PHF12: variants seen among roughly 807,000 people sequenced by gnomAD.
PHF12 encodes PHD finger protein 12, also known as PHD factor 1.
A neutral mutation model predicts 99.8 loss-of-function variants in PHF12; 6 were observed. The observed-to-expected ratio is 0.06, with a 90% CI of 0.03 to 0.12. The LOEUF is 0.12. PHF12 is among the 10% of genes least tolerant of loss of function. The probability of loss-of-function intolerance (pLI) is 1.00; values close to 1 mark genes in which losing one functional copy is unlikely to be tolerated. For missense variants in PHF12, 954 were observed against 1,300.1 expected, an observed-to-expected ratio of 0.73 and a Z score of 4.09; for synonymous variants, 480 against 514.9, an observed-to-expected ratio of 0.93 and a Z score of 0.92.
At chr17:28,947,772 A>C (rs1211512320) in intron 2 of PHF12, among the ~76,000 whole-genome samples, 1 of 152,198 alleles carries the variant, frequency 6.6e-6, no homozygotes, top group Non-Finnish European at 1.5e-5. Flanking sequence ...AACTCAGATA[A>C]GTCAATGGTA....
rs1281689160 is a variant in PHF12, at chr17:28,906,186, A to G, written c.3012T>C (p.Pro1004=). ...AGTGGCGGGGTAGCCGCCAGTCCTA[A>G]GGAACAGAGTTGGAGCGCAGCACAG... ...QGPVLRSNSV[P] is the part of the protein sequence containing the mutation. The change falls in exon 15 of 15, where the codon CCT becomes CCC. Residue 1004 remains proline (P), a synonymous_variant. Coordinates refer to ENST00000332830, the MANE Select transcript of PHF12 (RefSeq NM_001033561.2). The surrounding 1 kb of genome is among the most constrained non-coding windows in gnomAD (Gnocchi z 4.2). The G allele has an allele frequency of 1.3e-6, 2 of 1,580,022 alleles. No homozygotes were observed. The highest frequency in any genetic ancestry group is 1.7e-6 in the Non-Finnish European group (2 of 1,157,596).
chr17:28,937,270 C>A (rs1354729671), intron 2 of PHF12, among the ~76,000 whole-genome samples: 7 of 152,192 alleles, frequency 4.6e-5, no homozygotes, highest in Non-Finnish European at 1.0e-4. Context: ...ATCAGCTTTT[C>A]TCTTCAAGTA....
Position 28,924,042 on chromosome 17 carries a change from T to C in PHF12, c.582A>G (p.Pro194=), listed in dbSNP as rs751507082. Residue 194 remains proline (P), a synonymous_variant, in exon 4 of 15, where the codon CCA becomes CCG. Transcript: ENST00000332830. ...DEDIIDVDEE[P]VAAEPDYVQP... is the part of the protein sequence containing the mutation. ...GCACATAGTCTGGCTCCGCTGCTAC[T>C]GGTTCCTCATCCACGTCAATGATGT... 2 of 1,614,214 alleles carry C rather than the reference T, an allele frequency of 1.2e-6. No individual in the cohort carries two copies. Among genetic ancestry groups the C allele is most frequent in the South Asian group, 1.1e-5 (1 of 91,090 alleles).
At chr17:28,909,751 T>C (rs180815079) in intron 11 of PHF12, 110 of 323,872 alleles carry the variant, frequency 3.4e-4, no homozygotes, top group African/African-American at 2.2e-3. Flanking sequence ...CCACCATGCC[T>C]GGGTAAGTTT....
rs2152667085 is a variant in PHF12 at position 28,924,313 on chromosome 17, G to C, written c.322-11C>G. ...TTTCTGCTCTCGTTTCTGTGCAAAT[G>C]AACAGGTGGGCCCATCATGAAAAGT... is the stretch of plus-strand genomic sequence containing the variant. On this transcript the variant is annotated splice_polypyrimidine_tract_variant and intron_variant, in intron 3 of 14. Coordinates refer to ENST00000332830, the MANE Select transcript of PHF12 (RefSeq NM_001033561.2). 4 of 1,614,132 alleles carry C rather than the reference G, an allele frequency of 2.5e-6. No individual in the cohort carries two copies. Among genetic ancestry groups the C allele is most frequent in the African/African-American group, 1.3e-5 (1 of 75,042 alleles).
chr17:28,951,132 G>T lies in PHF12; in HGVS notation c.-172C>A. The T allele has an allele frequency of 7.0e-7, 1 of 1,436,680 alleles. No individual in the cohort carries two copies. The highest frequency in any genetic ancestry group is 9.1e-7 in the Non-Finnish European group (1 of 1,098,266). The allele number at this position is 1,436,680 out of a possible 1,614,324, so 89.0% of individuals were successfully genotyped here. A position where few individuals can be genotyped will look rare whatever the true frequency, so the allele number is the denominator to read the frequency against. ...CCCCCCGGCCCCCAGTCCCCGGGAC[G>T]ACAGCGTCCTCCCGACGGGCCGCGA... On this transcript the variant is annotated 5_prime_UTR_variant, in exon 1 of 15. Coordinates refer to ENST00000332830, the MANE Select transcript of PHF12 (RefSeq NM_001033561.2).
chr17:28,939,225 G>A (rs1261149194), intron 2 of PHF12, among the ~76,000 whole-genome samples: 3 of 152,146 alleles, frequency 2.0e-5, no homozygotes, highest in East Asian at 3.8e-4. Context: ...CCACAAAGGA[G>A]GGATACAGCA....
At position 28,937,798 on chromosome 17, in the gene PHF12, C is replaced by T. The variant is rs2040536060; in HGVS notation, c.249-10735G>A. On this transcript the variant is annotated intron_variant, in intron 2 of 14. Transcript: ENST00000332830. Reference sequence around the variant, plus strand: ...CTGATCTATCACTAGCCTGGTTTGGCTATTCTTGCAATTCTGGCTTCTCTA... The same window carrying T: ...CTGATCTATCACTAGCCTGGTTTGGTTATTCTTGCAATTCTGGCTTCTCTA... Among the ~76,000 whole-genome samples the T allele has an allele frequency of 2.0e-5, 3 of 152,198 alleles. No homozygotes were observed. The South Asian group carries it at 6.2e-4, about 32-fold the overall frequency.
intron 5 of PHF12, among the ~76,000 whole-genome samples, chr17:28,920,282 T>C (rs1468180817): frequency 3.3e-5 from 5 of 152,216 alleles, no homozygotes; most frequent in African/African-American, 9.7e-5. Context: ...TTCTTTTTGA[T>C]AGTTACTTTC....
intron 4 of PHF12, among the ~76,000 whole-genome samples, chr17:28,923,651 C>CAAAAAAAAAAAAAAAAAAAAAAAA (rs1491183033): frequency 1.9e-3 from 42 of 21,960 alleles, no homozygotes; most frequent in Non-Finnish European, 2.4e-3. Flanking sequence ...AAGTGAGACT[C>CAAAAAAAAAAAAAAAAAAAAAAAA]ACAAAAAAAA....
In PHF12 at chr17:28,950,692, C is replaced by T; in HGVS notation, c.66+203G>A. 2 of 676,272 alleles carry T rather than the reference C, an allele frequency of 3.0e-6. No homozygotes were observed. The highest frequency in any genetic ancestry group is 4.5e-6 in the Non-Finnish European group (2 of 441,934). 41.9% of individuals were successfully genotyped at this position (676,272 alleles called of 1,614,324 possible). On this transcript the variant is annotated intron_variant, in intron 1 of 14. Transcript: ENST00000332830. The surrounding 1 kb of genome is among the most constrained non-coding windows in gnomAD (Gnocchi z 5.7). ...CCTCGGGAGAGCGAATCGAGGGCGG[C>T]GGGTAGGTGAAACTGCTGCAAACGT...
intron 2 of PHF12, among the ~76,000 whole-genome samples, chr17:28,946,005 G>C (rs745635837): frequency 6.6e-6 from 1 of 152,272 alleles, no homozygotes; most frequent in Admixed American, 6.5e-5. Context: ...GCCTGGTGGC[G>C]TGCGCCTGTA....
At chr17:28,934,881 G>A (rs2152673713) in intron 2 of PHF12, among the ~76,000 whole-genome samples, 1 of 152,308 alleles carries the variant, frequency 6.6e-6, no homozygotes, top group East Asian at 1.9e-4. Flanking sequence ...GATTACAGGC[G>A]TAAGCCACTG....
intron 4 of PHF12, among the ~76,000 whole-genome samples, chr17:28,923,651 C>CAAAAAAAAAAAAAAAAA (rs1491183033): frequency 0.027 from 597 of 21,890 alleles, 44 homozygotes; most frequent in African/African-American, 0.046. Flanking sequence ...AAGTGAGACT[C>CAAAAAAAAAAAAAAAAA]ACAAAAAAAA....
chr17:28,913,341 G>C, intron 8 of PHF12, 64 bp from the exon 9 acceptor site: 1 of 1,547,562 alleles, frequency 6.5e-7, no homozygotes, highest in Non-Finnish European at 8.7e-7. Context: ...TCCTGCCACA[G>C]TGGCCAGGGC....
At chr17:28,946,162 CAT>C (rs956401076) in intron 2 of PHF12, among the ~76,000 whole-genome samples, 6 of 152,166 alleles carry the variant, frequency 3.9e-5, no homozygotes, top group Non-Finnish European at 5.9e-5. Context: ...ACCACACACA[CAT>C]CTCTTTCCAA....
chr17:28,923,770 A>T, intron 4 of PHF12, 139 bp downstream of exon 4: 1 of 1,082,728 alleles, frequency 9.2e-7, no homozygotes, highest in Non-Finnish European at 1.3e-6. Flanking sequence ...AGACCTTCAA[A>T]GATCTCTCCA....
intron 7 of PHF12, among the ~76,000 whole-genome samples, chr17:28,916,536 A>G (rs966152767): frequency 6.6e-6 from 1 of 152,236 alleles, no homozygotes; most frequent in African/African-American, 2.4e-5. Context: ...CCAAGTGGCC[A>G]TACTTGAGAA....
At chr17:28,942,365 G>A (rs2040633793) in intron 2 of PHF12, among the ~76,000 whole-genome samples, 1 of 151,950 alleles carries the variant, frequency 6.6e-6, no homozygotes, top group Non-Finnish European at 1.5e-5. Context: ...ACAAAAAAAG[G>A]AAAAAATTAG....
Sources: allele counts gnomAD v4.1 joint callset (sites outside exome capture counted in the v4.1 genomes callset), GRCh38; gene constraint gnomAD v4.1.1; non-coding constraint Gnocchi (gnomAD v3.1); transcripts MANE v1.5; gene names NCBI Gene and HGNC (gene_info 2026-07-23, HGNC 2026-07-21).